Variants in PACRG observed in about 807,000 individuals in gnomAD.
PACRG encodes parkin coregulated gene protein.
A neutral mutation model predicts 29.7 loss-of-function variants in PACRG; 29 were observed. That is an observed-to-expected ratio of 0.98 (90% CI 0.73 to 1.33). The LOEUF is 1.33. Among genes scored for constraint, PACRG ranks in the 40% most tolerant of loss-of-function variants. The pLI is 0.00. For synonymous variants in PACRG, 116 were observed against 118.7 expected, an observed-to-expected ratio of 0.98 and a Z score of 0.15; for missense variants, 279 against 316.2, an observed-to-expected ratio of 0.88 and a Z score of 0.89.
At position 163,056,607 on chromosome 6, in the gene PACRG, T is replaced by G. The variant is rs1562873332; in HGVS notation, c.292-5543T>G. On this transcript the variant is annotated intron_variant, in intron 2 of 4. Coordinates refer to ENST00000366888, the MANE Select transcript of PACRG (RefSeq NM_001080379.2). ...AACCATTACCCCCCAGAAGCAGGAC[T>G]TATGTGCTGTCAGGGAGGGGTACAC... Among the ~76,000 whole-genome samples, 3 of 152,224 alleles carry G rather than the reference T, an allele frequency of 2.0e-5. No homozygotes were observed. In the East Asian group the frequency reaches 5.8e-4, roughly 29 times the overall value.
At chr6:163,052,405 A>G (rs1235192930) in intron 2 of PACRG, among the ~76,000 whole-genome samples, 1 of 152,264 alleles carries the variant, frequency 6.6e-6, no homozygotes, top group Non-Finnish European at 1.5e-5. Flanking sequence ...AAGGATATGG[A>G]AAGCATAAGA....
At chr6:163,211,826 A>G (rs2128154976) in intron 4 of PACRG, among the ~76,000 whole-genome samples, 1 of 152,324 alleles carries the variant, frequency 6.6e-6, no homozygotes, top group South Asian at 2.1e-4. Context: ...AGGGTAGCAT[A>G]ATGCAGTGCT....
At chr6:163,280,111 C>G (rs1447791505) in intron 4 of PACRG, among the ~76,000 whole-genome samples, 5 of 152,218 alleles carry the variant, frequency 3.3e-5, no homozygotes, top group Admixed American at 2.0e-4. Flanking sequence ...TGCTCCACTT[C>G]CACTCTGCAT....
At chr6:163,149,773 C>T (rs1409852962) in intron 4 of PACRG, among the ~76,000 whole-genome samples, 1 of 152,176 alleles carries the variant, frequency 6.6e-6, no homozygotes, top group Non-Finnish European at 1.5e-5. Flanking sequence ...TGCTGCGGAT[C>T]GGATCCCCGG....
chr6:163,187,444 T>G (rs1427278696), intron 4 of PACRG, among the ~76,000 whole-genome samples: 1 of 152,010 alleles, frequency 6.6e-6, no homozygotes, highest in Non-Finnish European at 1.5e-5. Flanking sequence ...TGAGAACGCC[T>G]CTCAACTGAG....
chr6:162,727,334 G>GGCGCCGGT, upstream of PACRG: 1 of 403,926 alleles, frequency 2.5e-6, no homozygotes, highest in Non-Finnish European at 4.4e-6. Flanking sequence ...GCGGCGGCGG[G>GGCGCCGGT]GAGAAGGCTT....
intron 2 of PACRG, among the ~76,000 whole-genome samples, chr6:163,030,592 G>A (rs1807567889): frequency 6.6e-6 from 1 of 152,190 alleles, no homozygotes; most frequent in African/African-American, 2.4e-5. Context: ...AGTCCACAGT[G>A]CAAAACAAAA....
chr6:163,132,037 A>G (rs1009273473), intron 4 of PACRG, among the ~76,000 whole-genome samples: 1 of 152,186 alleles, frequency 6.6e-6, no homozygotes, highest in African/African-American at 2.4e-5. Flanking sequence ...TTTCAGAAAG[A>G]TGTGATTTGG....
rs182514136 is a variant in PACRG at position 162,871,201 on chromosome 6, T to A, written c.291+56920T>A. Among the ~76,000 whole-genome samples, 577 of 152,328 alleles carry A rather than the reference T, an allele frequency of 3.8e-3. 14 individuals carry two copies. Among genetic ancestry groups the A allele is most frequent in the Non-Finnish European group, 6.9e-4 (47 of 68,032 alleles). Reference sequence around the variant, plus strand: ...TTCTTAATATTTATCAATAAAAGTATGCAATCATACTTTTGTATTTTATTT... The same window carrying A: ...TTCTTAATATTTATCAATAAAAGTAAGCAATCATACTTTTGTATTTTATTT... On this transcript the variant is annotated intron_variant, in intron 2 of 4. Coordinates refer to ENST00000366888, the MANE Select transcript of PACRG (RefSeq NM_001080379.2).
chr6:162,906,856 CAGAG>C (rs1437878735), intron 2 of PACRG, among the ~76,000 whole-genome samples: 1 of 152,124 alleles, frequency 6.6e-6, no homozygotes, highest in Non-Finnish European at 1.5e-5. Flanking sequence ...CCTTGTATAT[CAGAG>C]AGATGTTCAT....
chr6:163,272,128 T>G (rs1199104475), intron 4 of PACRG, among the ~76,000 whole-genome samples: 1 of 149,556 alleles, frequency 6.7e-6, no homozygotes, highest in Admixed American at 6.7e-5. Flanking sequence ...AACCTCCACC[T>G]CCCAGGTTCA....
intron 1 of PACRG, among the ~76,000 whole-genome samples, chr6:162,770,467 G>A (rs773256516): frequency 1.9e-4 from 29 of 152,002 alleles, no homozygotes; most frequent in South Asian, 2.1e-4. Context: ...TCAACTTTGG[G>A]ATTATTGGCA....
chr6:162,955,991 G>A (rs1331987721), intron 2 of PACRG, among the ~76,000 whole-genome samples: 1 of 152,064 alleles, frequency 6.6e-6, no homozygotes. Flanking sequence ...AGGAGCCTCT[G>A]GACATGGTGG....
intron 4 of PACRG, among the ~76,000 whole-genome samples, chr6:163,186,035 T>G (rs1175156998): frequency 6.6e-6 from 1 of 152,162 alleles, no homozygotes; most frequent in African/African-American, 2.4e-5. Flanking sequence ...CAGGGCTTCT[T>G]TAAACAGTGA....
At chr6:163,004,454 C>CAAG (rs1804856258) in intron 2 of PACRG, among the ~76,000 whole-genome samples, 1 of 151,638 alleles carries the variant, frequency 6.6e-6, no homozygotes. Context: ...ACACCTTCTT[C>CAAG]ACAAGGCAGC....
In PACRG at chr6:163,184,083, A is replaced by G. The variant is rs145601844; in HGVS notation, c.613+94675A>G. Among the ~76,000 whole-genome samples, 267 of 152,324 alleles carry G rather than the reference A, an allele frequency of 1.8e-3. 1 individual carries two copies. Among genetic ancestry groups the G allele is most frequent in the Non-Finnish European group, 3.3e-3 (227 of 68,024 alleles). ...TACAACAGTGTTTTATTTTATTCTT[A>G]TTGAACTTCAGCCAGTTGAAAATAG... On this transcript the variant is annotated intron_variant, in intron 4 of 4. Transcript: ENST00000366888.
intron 2 of PACRG, among the ~76,000 whole-genome samples, chr6:162,815,076 G>A (rs539244294): frequency 6.6e-6 from 1 of 152,202 alleles, no homozygotes; most frequent in South Asian, 2.1e-4. Flanking sequence ...CAAAGACTTT[G>A]CTTTTGGTGA....
chr6:163,144,973 CT>C (rs1368239795), intron 4 of PACRG, among the ~76,000 whole-genome samples: 2 of 152,252 alleles, frequency 1.3e-5, no homozygotes, highest in Middle Eastern at 3.4e-3. Flanking sequence ...TCCCCATCCC[CT>C]CTGAGCCCTG....
intron 1 of PACRG, among the ~76,000 whole-genome samples, chr6:162,774,443 T>C (rs1401592275): frequency 6.6e-6 from 1 of 152,250 alleles, no homozygotes; most frequent in African/African-American, 2.4e-5. Context: ...ATGATAGATA[T>C]GTTTGTAATG....
Sources: gnomAD v4.1 joint callset for allele counts (sites outside exome capture counted in the v4.1 genomes callset) on GRCh38, gnomAD v4.1.1 for gene constraint, MANE v1.5 for transcripts, NCBI Gene and HGNC (gene_info 2026-07-23, HGNC 2026-07-21) for gene names.